Variants in TMEM165 observed in about 807,000 individuals in gnomAD.
TMEM165 encodes putative divalent cation/proton antiporter TMEM165.
In TMEM165, 19 loss-of-function variants were observed where a neutral mutation model predicts 30.0. That is an observed-to-expected ratio of 0.63 (90% CI 0.44 to 0.93). The LOEUF (loss-of-function observed/expected upper bound fraction) is 0.93, where lower values mean the gene tolerates loss of function less well. Ranked by LOEUF, TMEM165 falls within the 40% of genes least tolerant of loss-of-function variation. The probability of loss-of-function intolerance (pLI) is 0.00; values close to 1 mark genes in which losing one functional copy is unlikely to be tolerated. For missense variants in TMEM165, 340 were observed against 417.0 expected (o/e 0.82, Z 1.61); for synonymous variants, 168 against 162.9 (o/e 1.03, Z -0.24).
At chr4:55,400,257 TA>T (rs1328559336) in intron 1 of TMEM165, among the ~76,000 whole-genome samples, 1,906 of 57,580 alleles carry the variant, frequency 0.033, 33 homozygotes, top group Middle Eastern at 0.12. Flanking sequence ...TATATTATAT[TA>T]ATATATAATA....
chr4:55,427,377 C>A (rs894724270), downstream of TMEM165, among the ~76,000 whole-genome samples: 18 of 151,270 alleles, frequency 1.2e-4, no homozygotes, highest in African/African-American at 4.4e-4. Context: ...CTATCTCACT[C>A]TGTCACCTGG....
chr4:55,424,648 G>A lies in TMEM165; in HGVS notation c.898+5G>A. The A allele has an allele frequency of 6.4e-7, 1 of 1,555,122 alleles. No homozygotes were observed. The highest frequency in any genetic ancestry group is 8.9e-7 in the Non-Finnish European group (1 of 1,126,260). Reference sequence around the variant, plus strand: ...AGAAAATCTCTGTCAGAACTGGTAAGTCTTGAAAATTACAAATCAGATAAC... The same window carrying A: ...AGAAAATCTCTGTCAGAACTGGTAAATCTTGAAAATTACAAATCAGATAAC... On this transcript the variant is annotated splice_donor_5th_base_variant and intron_variant, in intron 5 of 5. Transcript: ENST00000381334.
At chr4:55,409,790 T>C (rs1721410848) in intron 1 of TMEM165, among the ~76,000 whole-genome samples, 1 of 152,200 alleles carries the variant, frequency 6.6e-6, no homozygotes, top group Non-Finnish European at 1.5e-5. Flanking sequence ...ATTTACCACC[T>C]CCTCTAGCAG....
rs370678900 is a variant in TMEM165, at chr4:55,420,526, A to G, written c.792+2541A>G. ...CTTTGTGGATCGGTTTGCAGATGAA[A>G]TAACACACGCAGGGTATCTAGCATG... On this transcript the variant is annotated intron_variant, in intron 4 of 5. Coordinates refer to ENST00000381334, the MANE Select transcript of TMEM165 (RefSeq NM_018475.5). Among the ~76,000 whole-genome samples, 215 of 152,210 alleles carry G rather than the reference A, an allele frequency of 1.4e-3. 3 individuals carry two copies. The South Asian group carries it at 0.043, about 30-fold the overall frequency.
intron 3 of TMEM165, among the ~76,000 whole-genome samples, chr4:55,446,803 T>A (rs922038835): frequency 1.3e-5 from 2 of 152,170 alleles, no homozygotes; most frequent in African/African-American, 4.8e-5. Context: ...TTTCACTTTA[T>A]TGGAAGGAAA....
chr4:55,419,742 C>G (rs1293029832), intron 4 of TMEM165, among the ~76,000 whole-genome samples: 3 of 151,592 alleles, frequency 2.0e-5, no homozygotes, highest in Non-Finnish European at 4.4e-5. Context: ...TTTCTAATTC[C>G]TTGGAACTAT....
intron 3 of TMEM165, chr4:55,448,943 A>AT: frequency 2.4e-5 from 27 of 1,116,112 alleles, no homozygotes; most frequent in Non-Finnish European, 3.5e-5. Context: ...AAATATCAAT[A>AT]TGATATTCGT....
At chr4:55,421,188 AG>A (rs1721961112) in intron 4 of TMEM165, among the ~76,000 whole-genome samples, 1 of 142,556 alleles carries the variant, frequency 7.0e-6, no homozygotes, top group Admixed American at 6.9e-5. Flanking sequence ...AAAAAAAAAA[AG>A]ACGACTCAGT....
At chr4:55,445,281 G>C (rs909899849) in intron 3 of TMEM165, among the ~76,000 whole-genome samples, 3 of 151,998 alleles carry the variant, frequency 2.0e-5, no homozygotes, top group African/African-American at 7.2e-5. Context: ...CACCTGCCCC[G>C]GCAGGTGGCT....
chr4:55,439,343 A>G (rs538193903), intron 3 of TMEM165, among the ~76,000 whole-genome samples: 2 of 152,340 alleles, frequency 1.3e-5, no homozygotes, highest in East Asian at 3.9e-4. Flanking sequence ...GATGGCTATT[A>G]TAAAAAACAA....
intron 2 of TMEM165, 194 bp downstream of exon 2, chr4:55,412,033 T>C: frequency 1.6e-6 from 1 of 630,216 alleles, no homozygotes; most frequent in South Asian, 1.8e-5. Flanking sequence ...TCTCGCATAG[T>C]TGTCTGAAAT....
At chr4:55,439,978 A>ACCAT (rs1723219437) in intron 3 of TMEM165, among the ~76,000 whole-genome samples, 1 of 152,142 alleles carries the variant, frequency 6.6e-6, no homozygotes, top group African/African-American at 2.4e-5. Context: ...AACGGTTAAC[A>ACCAT]TGGTAACTTT....
At chr4:55,417,593 G>A (rs1217262050) in intron 3 of TMEM165, 1 of 580,902 alleles carries the variant, frequency 1.7e-6, no homozygotes, top group African/African-American at 1.9e-5. Flanking sequence ...TGTTTGGTTT[G>A]TTCAGCTGAG....
At chr4:55,429,298 G>A (rs1164313402), downstream of TMEM165, 1 of 152,148 alleles carries the variant, frequency 6.6e-6, no homozygotes, top group African/African-American at 2.4e-5. Context: ...TGTGGTTGAC[G>A]TGCTTTAACT....
intron 3 of TMEM165, among the ~76,000 whole-genome samples, chr4:55,445,347 T>C (rs1723721840): frequency 1.3e-5 from 2 of 152,118 alleles, no homozygotes; most frequent in Non-Finnish European, 2.9e-5. Flanking sequence ...GCTTTACCAG[T>C]ACCCCAGCTG....
chr4:55,433,507 T>C (rs1339926550), intron 3 of TMEM165: 1 of 152,246 alleles, frequency 6.6e-6, no homozygotes, highest in African/African-American at 2.4e-5. Flanking sequence ...CTGACCTCTT[T>C]ACCTAGCAAT....
chr4:55,415,603 T>G (rs1303724903), intron 2 of TMEM165: 1 of 152,206 alleles, frequency 6.6e-6, no homozygotes, highest in African/African-American at 2.4e-5. Context: ...AAATATATGC[T>G]TGTATCCTGT....
chr4:55,398,452 C>A (rs1720820036), intron 1 of TMEM165, among the ~76,000 whole-genome samples: 1 of 152,246 alleles, frequency 6.6e-6, no homozygotes, highest in Non-Finnish European at 1.5e-5. Flanking sequence ...ATCTGGACTT[C>A]TGTGCCTTAC....
intron 5 of TMEM165, among the ~76,000 whole-genome samples, chr4:55,425,076 A>G (rs1268511205): frequency 1.3e-5 from 2 of 152,158 alleles, no homozygotes; most frequent in Non-Finnish European, 2.9e-5. Flanking sequence ...TTCTTTTATA[A>G]CTGGATTTTA....
Sources: allele counts gnomAD v4.1 joint callset (sites outside exome capture counted in the v4.1 genomes callset), GRCh38; gene constraint gnomAD v4.1.1; transcripts MANE v1.5; gene names NCBI Gene and HGNC (gene_info 2026-07-23, HGNC 2026-07-21).